PRR16: variants seen among roughly 807,000 people sequenced by gnomAD.
PRR16 encodes the protein protein Largen.
A neutral mutation model predicts 18.2 loss-of-function variants in PRR16; 6 were observed. That is an observed-to-expected ratio of 0.33 (90% confidence interval 0.18 to 0.65). PRR16 has a LOEUF of 0.65. Ranked by LOEUF, PRR16 falls within the 30% of genes least tolerant of loss-of-function variation. The probability of loss-of-function intolerance (pLI) is 0.74; values close to 1 mark genes in which losing one functional copy is unlikely to be tolerated. For missense variants in PRR16, 412 were observed against 376.6 expected, an observed-to-expected ratio of 1.09 and a Z score of -0.78; for synonymous variants, 151 against 147.8, an observed-to-expected ratio of 1.02 and a Z score of -0.16.
chr5:120,523,220 C>T (rs111568873), intron 1 of PRR16, among the ~76,000 whole-genome samples: 2,280 of 152,200 alleles, frequency 0.015, 21 homozygotes, highest in Middle Eastern at 0.13. Flanking sequence ...CATTTATTTG[C>T]GGTTCTGATC....
At chr5:120,672,239 T>C (rs1251838549) in intron 1 of PRR16, among the ~76,000 whole-genome samples, 1 of 1,074 alleles carries the variant, frequency 9.3e-4, no homozygotes, top group African/African-American at 3.0e-3. Context: ...GTGAGGGGTC[T>C]GTGTGTGTGT....
At chr5:120,754,401 T>TTATACTATATAGTATAATATAATA in the PRR16 span, among the ~76,000 whole-genome samples, 2 of 67,212 alleles carry the variant, frequency 3.0e-5, no homozygotes, top group Non-Finnish European at 5.0e-5. Context: ...ATGTTATATA[T>TTATACTATATAGTATAATATAATA]TATACTATAT....
rs558047270 is a variant in PRR16, at chr5:120,616,285, G to T, written c.160-69669G>T. Among the ~76,000 whole-genome samples the T allele has an allele frequency of 2.0e-5, 3 of 152,232 alleles. No homozygotes were observed. In the South Asian group the frequency reaches 6.2e-4, roughly 32 times the overall value. ...GAGCATGTTACCAAAGTGTAAGGTG[G>T]GAATGAGGGGCCACACATTCCGGCG... is the stretch of plus-strand genomic sequence containing the variant. On this transcript the variant is annotated intron_variant, in intron 1 of 1. Transcript: ENST00000407149.
intron 1 of PRR16, among the ~76,000 whole-genome samples, chr5:120,646,049 TATATATA>T (rs1283311407): frequency 1.2e-4 from 8 of 64,644 alleles, no homozygotes; most frequent in African/African-American, 5.3e-4. Context: ...ATACATATTT[TATATATA>T]TATATATATA....
chr5:120,613,625 G>A (rs1754406070), intron 1 of PRR16, among the ~76,000 whole-genome samples: 1 of 151,996 alleles, frequency 6.6e-6, no homozygotes, highest in Admixed American at 6.6e-5. Flanking sequence ...CCAGTTTTAA[G>A]CATTTGTATT....
chr5:120,636,074 T>A (rs781311408), intron 1 of PRR16, among the ~76,000 whole-genome samples: 8 of 152,016 alleles, frequency 5.3e-5, no homozygotes, highest in Admixed American at 1.3e-4. Context: ...TAACCTAGGA[T>A]GTGAAAGACT....
intron 1 of PRR16, among the ~76,000 whole-genome samples, chr5:120,637,890 A>G (rs1260658233): frequency 6.6e-6 from 1 of 152,146 alleles, no homozygotes; most frequent in Admixed American, 6.6e-5. Context: ...AATTCCTTAA[A>G]GGTGTTGGCA....
chr5:120,527,970 C>T (rs1751424714), intron 1 of PRR16, among the ~76,000 whole-genome samples: 1 of 152,126 alleles, frequency 6.6e-6, no homozygotes, highest in Non-Finnish European at 1.5e-5. Flanking sequence ...AGATATTCCC[C>T]AGATTCCTTT....
rs150973223 is a variant in PRR16, at chr5:120,586,639, A to G, written c.160-99315A>G. Among the ~76,000 whole-genome samples, 1,240 of 152,260 alleles carry G rather than the reference A, an allele frequency of 8.1e-3. 24 individuals carry two copies. Among genetic ancestry groups the G allele is most frequent in the African/African-American group, 0.028 (1,150 of 41,546 alleles). ...TGTAATTCTTTGGGGTGCCACAAAA[A>G]TGCCTATATAAGACTTCCAACTAAT... On this transcript the variant is annotated intron_variant, in intron 1 of 1. Coordinates refer to ENST00000407149, the MANE Select transcript of PRR16 (RefSeq NM_001300783.2).
chr5:120,646,048 T>TTTTATA (rs748781292), intron 1 of PRR16, among the ~76,000 whole-genome samples: 2 of 104,984 alleles, frequency 1.9e-5, no homozygotes, highest in Admixed American at 1.1e-4. Flanking sequence ...AATACATATT[T>TTTTATA]TATATATATA....
the PRR16 span, among the ~76,000 whole-genome samples, chr5:120,721,144 C>A: frequency 6.6e-6 from 1 of 152,022 alleles, no homozygotes; most frequent in African/African-American, 2.4e-5. Flanking sequence ...TTTATTCATT[C>A]ATCCATTTAT....
At chr5:120,560,931 C>G (rs934107266) in intron 1 of PRR16, among the ~76,000 whole-genome samples, 2 of 151,946 alleles carry the variant, frequency 1.3e-5, no homozygotes, top group Non-Finnish European at 2.9e-5. Flanking sequence ...TACATAGTAG[C>G]CACTAATGAT....
the PRR16 span, among the ~76,000 whole-genome samples, chr5:120,724,313 G>A: frequency 0.085 from 12,855 of 152,034 alleles, 664 homozygotes; most frequent in South Asian, 0.11. Flanking sequence ...CAGACCAAGC[G>A]TTCAAATTCT....
chr5:120,640,004 C>T (rs1226487807), intron 1 of PRR16, among the ~76,000 whole-genome samples: 2 of 151,796 alleles, frequency 1.3e-5, no homozygotes, highest in Non-Finnish European at 1.5e-5. Flanking sequence ...CATAGATGCA[C>T]CTGGAGGCCA....
At chr5:120,789,266 C>A in the PRR16 span, among the ~76,000 whole-genome samples, 1 of 152,012 alleles carries the variant, frequency 6.6e-6, no homozygotes, top group African/African-American at 2.4e-5. Flanking sequence ...AAATAGAAGA[C>A]CACAGACACA....
chr5:120,490,585 T>G (rs751619848), intron 1 of PRR16, among the ~76,000 whole-genome samples: 2 of 152,136 alleles, frequency 1.3e-5, no homozygotes, highest in Non-Finnish European at 2.9e-5. Context: ...AACTTCTTTG[T>G]CATGGGTTTG....
At chr5:120,657,037 C>T (rs1032320443) in intron 1 of PRR16, among the ~76,000 whole-genome samples, 30 of 151,966 alleles carry the variant, frequency 2.0e-4, no homozygotes, top group African/African-American at 6.7e-4. Flanking sequence ...TTAGATTGTT[C>T]GAAAGAAGAT....
chr5:120,522,781 A>ATT (rs142088500), intron 1 of PRR16, among the ~76,000 whole-genome samples: 10 of 151,316 alleles, frequency 6.6e-5, no homozygotes, highest in South Asian at 2.1e-4. Flanking sequence ...ATTTTATTTT[A>ATT]TTTTTTTTGT....
chr5:120,535,038 G>A (rs1751669331), intron 1 of PRR16, among the ~76,000 whole-genome samples: 1 of 151,640 alleles, frequency 6.6e-6, no homozygotes, highest in African/African-American at 2.4e-5. Flanking sequence ...GATTGTAAGG[G>A]ATATGTAATT....
Sources: allele counts gnomAD v4.1 joint callset (sites outside exome capture counted in the v4.1 genomes callset), GRCh38; gene constraint gnomAD v4.1.1; transcripts MANE v1.5; gene names NCBI Gene and HGNC (gene_info 2026-07-23, HGNC 2026-07-21).